The following ELMO1 variants were observed in gnomAD, a reference collection of about 807,000 sequenced individuals.
The protein encoded by ELMO1 is engulfment and cell motility protein 1.
Under a neutral mutation model 98.9 loss-of-function variants are expected in ELMO1, and 26 were observed. The observed-to-expected ratio is 0.26, with a 90% CI of 0.19 to 0.36. The LOEUF (loss-of-function observed/expected upper bound fraction) is 0.36, where lower values mean the gene tolerates loss of function less well. Among genes scored for constraint, ELMO1 ranks in the 10% least tolerant of loss-of-function variants. ELMO1 has a pLI of 1.00. For missense variants in ELMO1, 627 were observed against 935.2 expected, an observed-to-expected ratio of 0.67 and a Z score of 4.30; for synonymous variants, 346 against 346.0, an observed-to-expected ratio of 1.00 and a Z score of 0.00.
intron 8 of ELMO1, among the ~76,000 whole-genome samples, chr7:37,232,014 G>C (rs55867525): frequency 6.6e-6 from 1 of 151,898 alleles, no homozygotes; most frequent in South Asian, 2.1e-4. Flanking sequence ...CACTGCGCCC[G>C]GCTAATTTTT....
intron 15 of ELMO1, among the ~76,000 whole-genome samples, chr7:37,018,625 C>G (rs1190086106): frequency 6.6e-6 from 1 of 152,012 alleles, no homozygotes; most frequent in South Asian, 2.1e-4. Context: ...TACAGGTGCA[C>G]GACACCACGC....
chr7:37,171,788 G>A (rs1460461392), intron 13 of ELMO1, among the ~76,000 whole-genome samples: 1 of 152,102 alleles, frequency 6.6e-6, no homozygotes, highest in African/African-American at 2.4e-5. Flanking sequence ...CACCACGCCT[G>A]GCCGCCTTTC....
At chr7:37,073,862 A>G (rs1050668893) in intron 15 of ELMO1, among the ~76,000 whole-genome samples, 2 of 151,712 alleles carry the variant, frequency 1.3e-5, no homozygotes, top group African/African-American at 4.8e-5. Context: ...GATTACAGGA[A>G]AGAGCCACTC....
chr7:37,439,284 A>T (rs1220978200), intron 1 of ELMO1, among the ~76,000 whole-genome samples: 1 of 152,220 alleles, frequency 6.6e-6, no homozygotes, highest in Non-Finnish European at 1.5e-5. Flanking sequence ...GCTGACATAA[A>T]GCCCCTTCCA....
At chr7:36,897,369 A>C (rs143138769) in intron 16 of ELMO1, among the ~76,000 whole-genome samples, 1 of 21,756 alleles carries the variant, frequency 4.6e-5, no homozygotes, top group East Asian at 9.4e-4. Context: ...TTAATGGTTA[A>C]GCCTTGTTCA....
chr7:37,121,844 A>G (rs1460569748), intron 14 of ELMO1, among the ~76,000 whole-genome samples: 2 of 152,214 alleles, frequency 1.3e-5, no homozygotes, highest in Non-Finnish European at 2.9e-5. Flanking sequence ...CAGATTCACC[A>G]AAGTTGAAAT....
chr7:37,096,675 C>T lies in ELMO1; in HGVS notation c.1244G>A (p.Arg415His), dbSNP rs137862825. The change falls in exon 15 of 22, where the codon CGC (arginine) becomes CAC (histidine). Residue 415 changes from arginine (R) to histidine (H), a missense_variant. This residue lies in a region of ELMO1 where 492 missense variants were observed against 715.6 expected (regional missense o/e 0.69). Coordinates refer to ENST00000310758, the MANE Select transcript of ELMO1 (RefSeq NM_014800.11). Reference sequence around the variant, plus strand: ...CATCTTGGTCAGCTCTATACTACTGCGGCCAAAGGGACATTCATGCTTGTC... The same window carrying T: ...CATCTTGGTCAGCTCTATACTACTGTGGCCAAAGGGACATTCATGCTTGTC... Reference protein sequence around the residue: ...REDKHECPFGRSSIELTKMLC... With the variant: ...REDKHECPFGHSSIELTKMLC... The T allele has an allele frequency of 1.4e-5, 23 of 1,614,018 alleles. No homozygotes were observed. The highest frequency in any genetic ancestry group is 2.2e-5 in the South Asian group (2 of 91,092).
At chr7:37,115,248 C>T (rs971040142) in intron 14 of ELMO1, among the ~76,000 whole-genome samples, 3 of 151,974 alleles carry the variant, frequency 2.0e-5, no homozygotes, top group African/African-American at 4.8e-5. Flanking sequence ...TTAACTAATT[C>T]TATAAAACCA....
intron 16 of ELMO1, among the ~76,000 whole-genome samples, chr7:36,934,283 T>C (rs1786313702): frequency 6.6e-6 from 1 of 152,200 alleles, no homozygotes; most frequent in African/African-American, 2.4e-5. Context: ...AACGCTTTCT[T>C]AAAAGGCTCA....
intron 14 of ELMO1, among the ~76,000 whole-genome samples, chr7:37,124,039 CAT>C (rs1467510539): frequency 3.3e-5 from 5 of 152,274 alleles, no homozygotes; most frequent in South Asian, 4.2e-4. Flanking sequence ...ACAAAAACCA[CAT>C]GATTACCTCA....
At chr7:37,160,129 C>T (rs575921288) in intron 13 of ELMO1, among the ~76,000 whole-genome samples, 3 of 152,248 alleles carry the variant, frequency 2.0e-5, no homozygotes, top group South Asian at 4.2e-4. Flanking sequence ...AATGCAAATG[C>T]GTGCTTGCAT....
At chr7:37,425,748 A>G (rs887555109) in intron 1 of ELMO1, among the ~76,000 whole-genome samples, 1 of 152,196 alleles carries the variant, frequency 6.6e-6, no homozygotes, top group Non-Finnish European at 1.5e-5. Context: ...TTTATTGGAG[A>G]AAAAGGGAAC....
chr7:37,426,138 C>CTTT (rs1804690459), intron 1 of ELMO1, among the ~76,000 whole-genome samples: 2 of 97,150 alleles, frequency 2.1e-5, no homozygotes, highest in African/African-American at 3.8e-5. Flanking sequence ...CTCTTTTTTT[C>CTTT]TTTCTTTTTT....
intron 1 of ELMO1, among the ~76,000 whole-genome samples, chr7:37,354,630 T>C (rs1801419061): frequency 6.7e-6 from 1 of 148,864 alleles, no homozygotes; most frequent in Non-Finnish European, 1.5e-5. Context: ...TCTGGTTTTC[T>C]GGATATTTGC....
At chr7:37,154,810 G>A (rs1309137162) in intron 13 of ELMO1, among the ~76,000 whole-genome samples, 1 of 152,112 alleles carries the variant, frequency 6.6e-6, no homozygotes, top group East Asian at 1.9e-4. Flanking sequence ...GAAATACACA[G>A]AATACCACAA....
intron 6 of ELMO1, among the ~76,000 whole-genome samples, chr7:37,248,196 G>A (rs1297252046): frequency 2.0e-5 from 3 of 149,074 alleles, no homozygotes; most frequent in Non-Finnish European, 3.0e-5. Context: ...GATTTTATAT[G>A]TGTGTGTGTG....
intron 16 of ELMO1, among the ~76,000 whole-genome samples, chr7:36,989,176 C>G (rs1306546449): frequency 6.6e-6 from 1 of 152,164 alleles, no homozygotes; most frequent in Non-Finnish European, 1.5e-5. Flanking sequence ...CAATTTAATT[C>G]TCCCAAAAGC....
intron 1 of ELMO1, among the ~76,000 whole-genome samples, chr7:37,423,564 A>G (rs1804573181): frequency 6.6e-6 from 1 of 151,920 alleles, no homozygotes; most frequent in African/African-American, 2.4e-5. Flanking sequence ...CGGGTGACAG[A>G]GCCAGACCCT....
intron 15 of ELMO1, among the ~76,000 whole-genome samples, chr7:37,065,931 G>A (rs183412884): frequency 4.8e-4 from 73 of 152,146 alleles, no homozygotes; most frequent in African/African-American, 1.6e-3. Flanking sequence ...TCAAAGGCAG[G>A]GCCAGGTGGA....
Sources: gnomAD v4.1 joint callset for allele counts (sites outside exome capture counted in the v4.1 genomes callset) on GRCh38, gnomAD v4.1.1 for gene constraint, gnomAD v4.1.1 regional missense constraint, MANE v1.5 for transcripts, NCBI Gene and HGNC (gene_info 2026-07-23, HGNC 2026-07-21) for gene names.